NR1D2: variants seen among roughly 807,000 people sequenced by gnomAD.
NR1D2 encodes V-erbA-related protein 1-related.
Under a neutral mutation model 52.2 loss-of-function variants are expected in NR1D2, and 25 were observed. That is an observed-to-expected ratio of 0.48 (90% CI 0.35 to 0.67). The LOEUF is 0.67. NR1D2 is among the 30% of genes least tolerant of loss of function. NR1D2 has a pLI of 0.01. For missense variants in NR1D2, 681 were observed against 707.2 expected (o/e 0.96, Z 0.42); for synonymous variants, 259 against 230.1 (o/e 1.13, Z -1.14).
intron 6 of NR1D2, among the ~76,000 whole-genome samples, 180 bp from the exon 7 acceptor site, chr3:23,967,633 A>G (rs1706484987): frequency 6.6e-6 from 1 of 152,114 alleles, no homozygotes; most frequent in Admixed American, 6.5e-5. Flanking sequence ...AGAATAGAAT[A>G]GAATATAGAA....
intron 5 of NR1D2, 103 bp from the exon 6 acceptor site, chr3:23,964,874 G>A (rs1337673804): frequency 1.3e-6 from 1 of 747,544 alleles, no homozygotes; most frequent in East Asian, 2.6e-5. Context: ...TTGTGTTTTG[G>A]GGGTTAAATT....
rs1228981019 is a variant in NR1D2, at chr3:23,977,593, G to A, written c.*174G>A. Reference sequence around the variant, plus strand: ...TTCGGATTGAGAACTCTTCAGCCATGATTAGACGTTGACTGCATCTCCCTG... The same window carrying A: ...TTCGGATTGAGAACTCTTCAGCCATAATTAGACGTTGACTGCATCTCCCTG... On this transcript the variant is annotated 3_prime_UTR_variant, in exon 8 of 8. Coordinates refer to ENST00000312521, the MANE Select transcript of NR1D2 (RefSeq NM_005126.5). 2.6e-5 allele frequency: 11 copies of A among 431,284 alleles called. No individual in the cohort carries two copies. The Admixed American group carries it at 3.6e-4, about 14-fold the overall frequency. The allele number at this position is 431,284 out of a possible 1,614,324, so 26.7% of individuals were successfully genotyped here. A position where few individuals can be genotyped will look rare whatever the true frequency, so the allele number is the denominator to read the frequency against.
chr3:23,978,543 A>C lies in NR1D2; in HGVS notation c.*1124A>C, dbSNP rs1240762862. 6.6e-6 allele frequency: 1 copy of C among 151,908 alleles called. No individual in the cohort carries two copies. The highest frequency in any genetic ancestry group is 1.5e-5 in the Non-Finnish European group (1 of 67,986). 9.4% of individuals were successfully genotyped at this position (151,908 alleles called of 1,614,324 possible). A position where few individuals can be genotyped will look rare whatever the true frequency, so the allele number is the denominator to read the frequency against. On this transcript the variant is annotated 3_prime_UTR_variant, in exon 8 of 8. Coordinates refer to ENST00000312521, the MANE Select transcript of NR1D2 (RefSeq NM_005126.5). ...TTTGGCAAAATCTTTGGTTCAGGGT[A>C]CTAGTTGTTTAAAAGTTGATTCATA...
intron 4 of NR1D2, among the ~76,000 whole-genome samples, chr3:23,961,086 T>A (rs1000997581): frequency 2.6e-5 from 4 of 152,212 alleles, no homozygotes; most frequent in African/African-American, 9.7e-5. Flanking sequence ...AGTGCATTTC[T>A]ACTGATTGTG....
intron 1 of NR1D2, 22 bp downstream of exon 1, chr3:23,945,616 G>T (rs1245135094): frequency 8.5e-7 from 1 of 1,177,100 alleles, no homozygotes. Context: ...ACTGCGGCGG[G>T]TGGGGGATGG....
chr3:23,963,953 C>G (rs1240001349), intron 5 of NR1D2, among the ~76,000 whole-genome samples: 1 of 148,220 alleles, frequency 6.7e-6, no homozygotes, highest in Non-Finnish European at 1.5e-5. Flanking sequence ...TCTTGGCTTC[C>G]TATTTTCCCT....
In NR1D2 at chr3:23,967,800, T is replaced by C. The variant is rs752659754; in HGVS notation, c.1333-13T>C. Reference sequence around the variant, plus strand: ...TTAGACTTCTCCAAATACATTTCTTTTTCTTTTTCCAGGTTTTAATGGTAC... The same window carrying C: ...TTAGACTTCTCCAAATACATTTCTTCTTCTTTTTCCAGGTTTTAATGGTAC... On this transcript the variant is annotated splice_polypyrimidine_tract_variant and intron_variant, in intron 6 of 7. Transcript: ENST00000312521. 6 of 1,603,808 alleles carry C rather than the reference T, an allele frequency of 3.7e-6. No homozygotes were observed. Among genetic ancestry groups the C allele is most frequent in the South Asian group, 3.3e-5 (3 of 90,450 alleles).
chr3:23,954,782 A>G lies in NR1D2; in HGVS notation c.262A>G (p.Lys88Glu), dbSNP rs1252834948. 6.2e-7 allele frequency: 1 copy of G among 1,614,120 alleles called. No individual in the cohort carries two copies. The highest frequency in any genetic ancestry group is 2.2e-5 in the East Asian group (1 of 44,882). The change falls in exon 2 of 8, where the codon AAA becomes GAA. Residue 88 changes from lysine (K) to glutamate (E), a missense_variant. Lys to Glu is a moderately conservative substitution (Grantham distance 56). Transcript: ENST00000312521. ...TSKSSAPGMT[K>E]SHSGVTKFSG... ...CAAATCGAGTGCACCTGGGATGACA[A>G]AAAGTCATAGTGGTGTGACAAGTAA...
At position 23,962,450 on chromosome 3, in the gene NR1D2, C is replaced by A; in HGVS notation, c.991C>A (p.Pro331Thr). 11 of 1,614,074 alleles carry A rather than the reference C, an allele frequency of 6.8e-6. No homozygotes were observed. The highest frequency in any genetic ancestry group is 8.5e-6 in the Non-Finnish European group (10 of 1,179,990). Residue 331 changes from proline (P) to threonine (T), a missense_variant, in exon 5 of 8, where the codon CCA becomes ACA. Pro to Thr is a conservative substitution (Grantham distance 38). Coordinates refer to ENST00000312521, the MANE Select transcript of NR1D2 (RefSeq NM_005126.5). ...CAAAGGGAGGAATATAATGCATTAC[C>A]CAAATGGTCATGCCATTTGTATTGC... is the stretch of plus-strand genomic sequence containing the variant. The part of the protein sequence containing the change: ...QFKGRNIMHY[P>T]NGHAICIANG...
In NR1D2 at chr3:23,963,230, G is replaced by A. The variant is rs779759722; in HGVS notation, c.1146+625G>A. On this transcript the variant is annotated intron_variant, in intron 5 of 7. Coordinates refer to ENST00000312521, the MANE Select transcript of NR1D2 (RefSeq NM_005126.5). ...ACGACATTCTACATCAAAGTACAGT[G>A]TTCATATTCAGCCAAAATTTCACCA... is the stretch of plus-strand genomic sequence containing the variant. 14 of 1,340,026 alleles carry A rather than the reference G, an allele frequency of 1.0e-5. No individual in the cohort carries two copies. The Middle Eastern group carries it at 6.3e-4, about 60-fold the overall frequency. 83.0% of individuals were successfully genotyped at this position (1,340,026 alleles called of 1,614,324 possible).
chr3:23,946,113 C>G, intron 1 of NR1D2: 2 of 984,918 alleles, frequency 2.0e-6, no homozygotes, highest in Non-Finnish European at 2.4e-6. Context: ...AGTGACGTCG[C>G]CGCGATTCCC....
At chr3:23,959,649 G>A (rs1419382166) in intron 3 of NR1D2, 22 bp from the exon 4 acceptor site, 1 of 1,603,158 alleles carries the variant, frequency 6.2e-7, no homozygotes, top group African/African-American at 1.3e-5. Flanking sequence ...AAATGGGTAA[G>A]TAAATCTTCC....
chr3:23,971,182 T>TTTCCTCTTTCCTCCACCCCAGCCTTA (rs1706578485), intron 7 of NR1D2, among the ~76,000 whole-genome samples: 1 of 152,160 alleles, frequency 6.6e-6, no homozygotes. Context: ...TCTCTGCTTT[T>TTTCCTCTTTCCTCCACCCCAGCCTTA]TTCCTCTTTC....
At position 23,979,881 on chromosome 3, in the gene NR1D2, T is replaced by G. The variant is rs1346692984; in HGVS notation, c.*2462T>G. 1 of 152,162 alleles carries G rather than the reference T, an allele frequency of 6.6e-6. No individual in the cohort carries two copies. The highest frequency in any genetic ancestry group is 1.5e-5 in the Non-Finnish European group (1 of 67,972). 9.4% of individuals were successfully genotyped at this position (152,162 alleles called of 1,614,324 possible). A position where few individuals can be genotyped will look rare whatever the true frequency, so the allele number is the denominator to read the frequency against. ...AATTAAGTGATGCTTTAACTTTGAT[T>G]TTACATTTTAAAGTTAAAATGTGGG... On this transcript the variant is annotated 3_prime_UTR_variant, in exon 8 of 8. Coordinates refer to ENST00000312521, the MANE Select transcript of NR1D2 (RefSeq NM_005126.5).
intron 7 of NR1D2, among the ~76,000 whole-genome samples, chr3:23,969,500 A>G (rs1473787349): frequency 1.3e-5 from 2 of 152,238 alleles, no homozygotes; most frequent in Non-Finnish European, 2.9e-5. Flanking sequence ...TAGCTAATTT[A>G]TAATGCCTCT....
At chr3:23,969,604 TAATC>T (rs1372136609) in intron 7 of NR1D2, among the ~76,000 whole-genome samples, 1 of 152,246 alleles carries the variant, frequency 6.6e-6, no homozygotes, top group African/African-American at 2.4e-5. Context: ...AAACCACAGA[TAATC>T]AATACTTGTT....
intron 7 of NR1D2, among the ~76,000 whole-genome samples, chr3:23,975,173 T>C (rs768327032): frequency 7.0e-4 from 107 of 151,944 alleles, no homozygotes; most frequent in Non-Finnish European, 1.2e-3. Flanking sequence ...CAGACTGGAG[T>C]GCAGTGGAAT....
chr3:23,977,226 G>A lies in NR1D2; in HGVS notation c.1547G>A (p.Arg516Gln), dbSNP rs1475923306. The change falls in exon 8 of 8, where the codon CGA becomes CAA. Residue 516 changes from arginine to glutamine, a missense_variant. This residue lies in a region of NR1D2 where 475 missense variants were observed against 454.5 expected (regional missense o/e 1.05). Coordinates refer to ENST00000312521, the MANE Select transcript of NR1D2 (RefSeq NM_005126.5). ...CCCTATTCCTGATCTCTCTTAGATC[G>A]ATCTGGAATAGAAAACGTCAACTCT... is the stretch of plus-strand genomic sequence containing the variant. Reference protein sequence around the residue: ...FTAVVLVSADRSGIENVNSVE... With the variant: ...FTAVVLVSADQSGIENVNSVE... 4 of 1,565,262 alleles carry A rather than the reference G, an allele frequency of 2.6e-6. No homozygotes were observed. The highest frequency in any genetic ancestry group is 2.3e-5 in the East Asian group (1 of 44,416).
chr3:23,977,270 ACT>A lies in NR1D2; in HGVS notation c.1595_1596del (p.Leu532HisfsTer15). 3 of 1,609,662 alleles carry A rather than the reference ACT, an allele frequency of 1.9e-6. No individual in the cohort carries two copies. The highest frequency in any genetic ancestry group is 2.5e-6 in the Non-Finnish European group (3 of 1,178,166). On this transcript the variant is annotated frameshift_variant, in exon 8 of 8. Coordinates refer to ENST00000312521, the MANE Select transcript of NR1D2 (RefSeq NM_005126.5). LOFTEE classifies it high-confidence loss of function. ...CAACTCTGTGGAGGCTTTGCAGGAA[ACT>A]CTCATTCGTGCACTAAGGACCTTAA... is the stretch of plus-strand genomic sequence containing the variant. ...NVNSVEALQE[T>X]LIRALRTLIM...
Sources: allele counts gnomAD v4.1 joint callset (sites outside exome capture counted in the v4.1 genomes callset), GRCh38; gene constraint gnomAD v4.1.1; regional missense constraint gnomAD v4.1.1; transcripts MANE v1.5; gene names NCBI Gene and HGNC (gene_info 2026-07-23, HGNC 2026-07-21).